The following PCDHGA8 variants were observed in gnomAD, a reference collection of about 807,000 sequenced individuals.
PCDHGA8 encodes protocadherin gamma subfamily A, 8, also known as protocadherin gamma-A8.
In PCDHGA8, 45 loss-of-function variants were observed where a neutral mutation model predicts 59.2. The ratio of observed to expected loss-of-function variants is 0.76; its 90% CI spans 0.60 to 0.98. PCDHGA8 has a LOEUF of 0.98. Among genes scored for constraint, PCDHGA8 ranks in the 50% least tolerant of loss-of-function variants. The pLI, the probability that PCDHGA8 is intolerant of heterozygous loss-of-function variation, is 0.00. For synonymous variants in PCDHGA8, 531 were observed against 519.0 expected, an observed-to-expected ratio of 1.02 and a Z score of -0.32; for missense variants, 1,257 against 1,196.2, an observed-to-expected ratio of 1.05 and a Z score of -0.75.
intron 1 of PCDHGA8, chr5:141,405,524 A>T (rs1430059160): frequency 7.4e-6 from 5 of 677,158 alleles, no homozygotes; most frequent in Non-Finnish European, 1.2e-5. Context: ...AATTCAAGCG[A>T]TTCTCCTGCC....
In PCDHGA8 at chr5:141,477,244, G is replaced by T. The variant is rs367944211; in HGVS notation, c.2425-17563G>T. On this transcript the variant is annotated intron_variant, in intron 1 of 3. Coordinates refer to ENST00000398604, the MANE Select transcript of PCDHGA8 (RefSeq NM_032088.2). The surrounding 1 kb of genome is among the most constrained non-coding windows in gnomAD (Gnocchi z 4.9). ...GGACTGTCATCGCTTTGCTCAGTGT[G>T]ACTGACCTGGATGCTGGCGAGAACG... 9 of 1,614,190 alleles carry T rather than the reference G, an allele frequency of 5.6e-6. No homozygotes were observed. Among genetic ancestry groups the T allele is most frequent in the Non-Finnish European group, 7.6e-6 (9 of 1,180,052 alleles).
chr5:141,431,498 T>C lies in PCDHGA8; in HGVS notation c.2424+36261T>C, dbSNP rs1274311782. On this transcript the variant is annotated intron_variant, in intron 1 of 3. Coordinates refer to ENST00000398604, the MANE Select transcript of PCDHGA8 (RefSeq NM_032088.2). The surrounding 1 kb of genome is among the most constrained non-coding windows in gnomAD (Gnocchi z 4.8). ...CGCACCAGCGTTTGCTCAGCCCGAG[T>C]ACCGCGCGAGCGTTCCGGAGAATCT... The C allele has an allele frequency of 6.2e-7, 1 of 1,613,992 alleles. No homozygotes were observed. Among genetic ancestry groups the C allele is most frequent in the Non-Finnish European group, 8.5e-7 (1 of 1,180,034 alleles).
At chr5:141,421,748 G>A (rs763166274) in intron 1 of PCDHGA8, 4 of 1,613,944 alleles carry the variant, frequency 2.5e-6, no homozygotes, top group South Asian at 2.2e-5. Context: ...TACCAGCTCA[G>A]CCCTAATAAT....
At chr5:141,428,882 T>C in intron 1 of PCDHGA8, 1 of 151,216 alleles carries the variant, frequency 6.6e-6, no homozygotes, top group African/African-American at 2.4e-5. Context: ...TTGGACGGAG[T>C]CTCGCTCTGT....
chr5:141,447,023 G>GTTT, intron 1 of PCDHGA8, among the ~76,000 whole-genome samples: 1 of 151,542 alleles, frequency 6.6e-6, no homozygotes, highest in African/African-American at 2.4e-5. Context: ...GTTTTGTTTT[G>GTTT]TTTTTTTTCT....
Position 141,431,829 on chromosome 5 carries a change from C to T in PCDHGA8, c.2424+36592C>T, listed in dbSNP as rs758915768. On this transcript the variant is annotated intron_variant, in intron 1 of 3. Transcript: ENST00000398604. The surrounding 1 kb of genome is among the most constrained non-coding windows in gnomAD (Gnocchi z 4.8). ...CTCACCTCTCTCGCCAGCTCGGTTC[C>T]CGAAAACTCTCCCAGAGGGACATTA... The T allele has an allele frequency of 1.9e-6, 3 of 1,613,928 alleles. No individual in the cohort carries two copies. The highest frequency in any genetic ancestry group is 2.2e-5 in the South Asian group (2 of 91,090).
chr5:141,405,770 G>T (rs989163026), intron 1 of PCDHGA8, among the ~76,000 whole-genome samples: 1 of 152,032 alleles, frequency 6.6e-6, no homozygotes. Context: ...GAGCCACTGC[G>T]CCTGGCCCTT....
intron 1 of PCDHGA8, chr5:141,428,659 G>A: frequency 6.1e-6 from 1 of 164,982 alleles, no homozygotes; most frequent in East Asian, 1.8e-4. Context: ...GAGTTCCAAT[G>A]AATGTCTTTC....
intron 1 of PCDHGA8, among the ~76,000 whole-genome samples, chr5:141,454,658 G>T (rs961640658): frequency 1.3e-5 from 2 of 151,812 alleles, no homozygotes; most frequent in Non-Finnish European, 2.9e-5. Flanking sequence ...TGCCCACCTC[G>T]GCCTCCCAAA....
At chr5:141,421,483 A>C in intron 1 of PCDHGA8, 4 of 1,614,128 alleles carry the variant, frequency 2.5e-6, no homozygotes, top group Non-Finnish European at 3.4e-6. Context: ...CGGCAGCTTG[A>C]TCACGGCAGG....
chr5:141,437,377 A>G (rs1021305426), intron 1 of PCDHGA8, among the ~76,000 whole-genome samples: 3 of 152,246 alleles, frequency 2.0e-5, no homozygotes, highest in Non-Finnish European at 2.9e-5. Flanking sequence ...AATCAGTCAG[A>G]AGACATTCAT....
At chr5:141,414,916 C>T in intron 1 of PCDHGA8, 2 of 1,614,194 alleles carry the variant, frequency 1.2e-6, no homozygotes, top group Non-Finnish European at 1.7e-6. Context: ...AGGCGTGGAG[C>T]TGGCGCCCCG....
chr5:141,398,237 T>G, intron 1 of PCDHGA8: 1 of 1,479,534 alleles, frequency 6.8e-7, no homozygotes, highest in Non-Finnish European at 9.2e-7. Context: ...CGCTACAGGA[T>G]TCCCGAGGAA....
In PCDHGA8 at chr5:141,410,786, TTCA is replaced by T. The variant is rs1001093749; in HGVS notation, c.2424+15551_2424+15553del. ...ATTATAGTTTTCACTATGTATTTGG[TTCA>T]TAAGTTGCTCTATCTTTTTGTAAAA... On this transcript the variant is annotated intron_variant, in intron 1 of 3. Transcript: ENST00000398604. 39 of 852,378 alleles carry T rather than the reference TTCA, an allele frequency of 4.6e-5. No homozygotes were observed. In the African/African-American group the frequency reaches 6.2e-4, roughly 13 times the overall value. 52.8% of individuals were successfully genotyped at this position (852,378 alleles called of 1,614,324 possible). A position where few individuals can be genotyped will look rare whatever the true frequency, so the allele number is the denominator to read the frequency against.
intron 1 of PCDHGA8, among the ~76,000 whole-genome samples, chr5:141,464,261 T>TC (rs2099079163): frequency 1.5e-5 from 2 of 137,096 alleles, no homozygotes; most frequent in African/African-American, 2.9e-5. Flanking sequence ...CGAGACTCCG[T>TC]CTAAAAAAAA....
intron 1 of PCDHGA8, chr5:141,403,431 C>T: frequency 6.2e-7 from 1 of 1,614,028 alleles, no homozygotes; most frequent in Non-Finnish European, 8.5e-7. Context: ...GCTATTGATC[C>T]GGATGTTGGC....
At position 141,393,097 on chromosome 5, in the gene PCDHGA8, T is replaced by C; in HGVS notation, c.284T>C (p.Leu95Pro). Residue 95 changes from leucine to proline, a missense_variant, in exon 1 of 4, where the codon CTC (leucine) becomes CCC (proline). Transcript: ENST00000398604. ...ITAGRIDREE[L>P]CAQSPRCLIN... ...GCGGGCAGGATAGATCGGGAGGAGC[T>C]CTGCGCTCAGAGCCCGCGGTGTCTG... 6.2e-7 allele frequency: 1 copy of C among 1,613,608 alleles called. No individual in the cohort carries two copies. The highest frequency in any genetic ancestry group is 1.1e-5 in the South Asian group (1 of 91,084).
In PCDHGA8 at chr5:141,406,055, T is replaced by C. The variant is rs2094752189; in HGVS notation, c.2424+10818T>C. 5.3e-5 allele frequency among the ~76,000 whole-genome samples: 8 copies of C among 150,380 alleles called. No individual in the cohort carries two copies. In the South Asian group the frequency reaches 1.5e-3, roughly 28 times the overall value. On this transcript the variant is annotated intron_variant, in intron 1 of 3. Transcript: ENST00000398604. ...CTTCATTGGTTGCAGTGGACTCATA[T>C]CATAAAATTCTTACTCCTTTTTTTT...
intron 1 of PCDHGA8, chr5:141,433,292 C>A: frequency 9.2e-7 from 1 of 1,082,526 alleles, no homozygotes; most frequent in South Asian, 1.6e-5. Context: ...CTCCTAGGCT[C>A]AAGCAATTAT....
Sources: gnomAD v4.1 joint callset for allele counts (sites outside exome capture counted in the v4.1 genomes callset) on GRCh38, gnomAD v4.1.1 for gene constraint, Gnocchi (gnomAD v3.1) non-coding constraint, MANE v1.5 for transcripts, NCBI Gene and HGNC (gene_info 2026-07-23, HGNC 2026-07-21) for gene names.